Variants in MRGPRX2 observed in about 807,000 individuals in gnomAD.
MRGPRX2 encodes the protein MAS related GPR family member X2.
For synonymous variants in MRGPRX2, 183 were observed against 175.6 expected, an observed-to-expected ratio of 1.04 and a Z score of -0.33; for missense variants, 389 against 404.5, an observed-to-expected ratio of 0.96 and a Z score of 0.33.
At position 19,056,176 on chromosome 11, in the gene MRGPRX2, A is replaced by G. The variant is rs1209114493; in HGVS notation, c.227T>C (p.Phe76Ser). The change falls in exon 2 of 2, where the codon TTC (phenylalanine) becomes TCC (serine). Residue 76 changes from phenylalanine (F) to serine (S), a missense_variant. Coordinates refer to ENST00000329773, the MANE Select transcript of MRGPRX2 (RefSeq NM_054030.4). ...TATAATCTGGAAGCAGAGGAAGAGG[A>G]AGTCGGCCCCGGCCAGGCTGAGGAC... The part of the protein sequence containing the change: ...VYVLSLAGAD[F>S]LFLCFQIINC... 6.2e-7 allele frequency: 1 copy of G among 1,614,180 alleles called. No homozygotes were observed. Among genetic ancestry groups the G allele is most frequent in the Admixed American group, 1.7e-5 (1 of 60,020 alleles).
In MRGPRX2 at chr11:19,055,628, G is replaced by A. The variant is rs140862085; in HGVS notation, c.775C>T (p.His259Tyr). The A allele has an allele frequency of 4.0e-5, 65 of 1,614,168 alleles. No homozygotes were observed. In the African/African-American group the frequency reaches 5.9e-4, roughly 15 times the overall value. Residue 259 changes from histidine (H) to tyrosine (Y), a missense_variant, in exon 2 of 2, where the codon CAT becomes TAT. Transcript: ENST00000329773. ...IWKDSDVLFC[H>Y]IHPVSVVLSS... ...AGGACAACTGAAACTGGATGAATATGACAAAATAAGACATCAGAATCCTTC... is the reference window on the plus strand; with the variant it reads ...AGGACAACTGAAACTGGATGAATATAACAAAATAAGACATCAGAATCCTTC...
Position 19,056,006 on chromosome 11 carries a change from A to T in MRGPRX2, c.397T>A (p.Trp133Arg). 1 of 1,614,234 alleles carries T rather than the reference A, an allele frequency of 6.2e-7. No homozygotes were observed. The highest frequency in any genetic ancestry group is 8.5e-7 in the Non-Finnish European group (1 of 1,180,042). ...VSTERCLSVL[W>R]PIWYRCRRPR... is the part of the protein sequence containing the mutation. ...CGGCGGCAGCGATACCAGATGGGCC[A>T]CAGGACGGACAGGCAGCGCTCGGTG... is the stretch of plus-strand genomic sequence containing the variant. The change falls in exon 2 of 2, where the codon TGG (tryptophan) becomes AGG (arginine). Residue 133 changes from tryptophan (W) to arginine (R), a missense_variant. Coordinates refer to ENST00000329773, the MANE Select transcript of MRGPRX2 (RefSeq NM_054030.4).
In MRGPRX2 at chr11:19,055,678, T is replaced by C. The variant is rs1849608089; in HGVS notation, c.725A>G (p.Gln242Arg). 6.2e-7 allele frequency: 1 copy of C among 1,614,084 alleles called. No individual in the cohort carries two copies. Among genetic ancestry groups the C allele is most frequent in the Non-Finnish European group, 8.5e-7 (1 of 1,180,024 alleles). ...CCAGATCCATAATATTAGGAACCAC[T>C]GAATGCCAAAGGGCAGGCCGCAGAG... ...FLLCGLPFGI[Q>R]WFLILWIWKD... Residue 242 changes from glutamine (Q) to arginine (R), a missense_variant, in exon 2 of 2, where the codon CAG (glutamine) becomes CGG (arginine). Physicochemically the swap from Gln to Arg is conservative, Grantham distance 43 (BLOSUM62 1). Coordinates refer to ENST00000329773, the MANE Select transcript of MRGPRX2 (RefSeq NM_054030.4).
At position 19,056,362 on chromosome 11, in the gene MRGPRX2, G is replaced by A; in HGVS notation, c.41C>T (p.Thr14Ile). ...TTPAWGTEST[T>I]VNGNDQALLL... ...AAGGGCTTGGTCATTTCCATTCACT[G>A]TTGTACTTTCTGTTCCCCAGGCCGG... Residue 14 changes from threonine (T) to isoleucine (I), a missense_variant, in exon 2 of 2, where the codon ACA (threonine) becomes ATA (isoleucine). Physicochemically the swap from Thr to Ile is moderately conservative, Grantham distance 89. Transcript: ENST00000329773. 2 of 1,613,756 alleles carry A rather than the reference G, an allele frequency of 1.2e-6. No individual in the cohort carries two copies. Among genetic ancestry groups the A allele is most frequent in the South Asian group, 1.1e-5 (1 of 91,076 alleles).
chr11:19,060,426 A>C (rs1457716126), intron 1 of MRGPRX2, among the ~76,000 whole-genome samples, 193 bp downstream of exon 1: 1 of 152,188 alleles, frequency 6.6e-6, no homozygotes, highest in Non-Finnish European at 1.5e-5. Context: ...AGGGGAGAAT[A>C]TTGGTAGATA....
chr11:19,058,930 A>G (rs1017504080), intron 1 of MRGPRX2, among the ~76,000 whole-genome samples: 3 of 152,198 alleles, frequency 2.0e-5, no homozygotes, highest in Non-Finnish European at 4.4e-5. Context: ...GGTGAAAAGC[A>G]GGTCCAATAC....
In MRGPRX2 at chr11:19,054,684, T is replaced by C. The variant is rs1849595776; in HGVS notation, c.*726A>G. The C allele has an allele frequency of 6.6e-6, 1 of 152,004 alleles. No homozygotes were observed. Among genetic ancestry groups the C allele is most frequent in the Non-Finnish European group, 1.5e-5 (1 of 68,006 alleles). The allele number at this position is 152,004 out of a possible 1,614,324, so 9.4% of individuals were successfully genotyped here. A position where few individuals can be genotyped will look rare whatever the true frequency, so the allele number is the denominator to read the frequency against. On this transcript the variant is annotated 3_prime_UTR_variant, in exon 2 of 2. Coordinates refer to ENST00000329773, the MANE Select transcript of MRGPRX2 (RefSeq NM_054030.4). ...GCAAAGGGGAAGGAATGGGAAGGCG[T>C]GTAGCTGGGATTTTAAGGGATGGCA...
In MRGPRX2 at chr11:19,055,534, C is replaced by T. The variant is rs1402255296; in HGVS notation, c.869G>A (p.Arg290Gln). 1 of 1,614,022 alleles carries T rather than the reference C, an allele frequency of 6.2e-7. No homozygotes were observed. The highest frequency in any genetic ancestry group is 8.5e-7 in the Non-Finnish European group (1 of 1,180,038). ...CAGCTTGAGGATCGGCTGCTGCAGC[C>T]GCCACTGCTTCCTAAAAGAGCCCAC... The part of the protein sequence containing the change: ...FFVGSFRKQW[R>Q]LQQPILKLAL... Residue 290 changes from arginine (R) to glutamine (Q), a missense_variant, in exon 2 of 2, where the codon CGG becomes CAG. Arg to Gln is a conservative substitution (Grantham distance 43). Transcript: ENST00000329773.
rs759608441 is a variant in MRGPRX2 at position 19,056,232 on chromosome 11, G to A, written c.171C>T (p.Phe57=). ...GNGFVLWLLG[F]RMRRNAFSVY... ...CAGAGAAGGCGTTCCTGCGCATGCG[G>A]AAGCCCAGGAGCCAGAGCACAAACC... The change falls in exon 2 of 2, where the codon TTC becomes TTT. Residue 57 remains phenylalanine (F), a synonymous_variant. Transcript: ENST00000329773. The A allele has an allele frequency of 6.2e-7, 1 of 1,614,134 alleles. No individual in the cohort carries two copies. The highest frequency in any genetic ancestry group is 8.5e-7 in the Non-Finnish European group (1 of 1,179,964).
chr11:19,058,669 G>T (rs1442220718), intron 1 of MRGPRX2, among the ~76,000 whole-genome samples: 2 of 151,850 alleles, frequency 1.3e-5, no homozygotes, highest in African/African-American at 4.8e-5. Flanking sequence ...CTTGTGATCT[G>T]CCCGCCTCGG....
intron 1 of MRGPRX2, among the ~76,000 whole-genome samples, chr11:19,058,589 T>G (rs1298993941): frequency 6.6e-6 from 1 of 151,850 alleles, no homozygotes; most frequent in Non-Finnish European, 1.5e-5. Flanking sequence ...ACTGGCTAAT[T>G]TTTTGTATTT....
In MRGPRX2 at chr11:19,056,007, C is replaced by A. The variant is rs141990509; in HGVS notation, c.396G>T (p.Leu132=). The part of the protein sequence containing the change: ...TVSTERCLSV[L]WPIWYRCRRP... ...GGCGGCAGCGATACCAGATGGGCCACAGGACGGACAGGCAGCGCTCGGTGC... is the reference window on the plus strand; with the variant it reads ...GGCGGCAGCGATACCAGATGGGCCAAAGGACGGACAGGCAGCGCTCGGTGC... Residue 132 remains leucine, a synonymous_variant, in exon 2 of 2, where the codon CTG becomes CTT. Coordinates refer to ENST00000329773, the MANE Select transcript of MRGPRX2 (RefSeq NM_054030.4). The A allele has an allele frequency of 3.1e-6, 5 of 1,614,094 alleles. No individual in the cohort carries two copies. The African/African-American group carries it at 6.7e-5, about 22-fold the overall frequency.
chr11:19,059,516 CT>C (rs1419003353), intron 1 of MRGPRX2, among the ~76,000 whole-genome samples: 3 of 152,034 alleles, frequency 2.0e-5, no homozygotes, highest in African/African-American at 7.2e-5. Flanking sequence ...CTCCCAATCC[CT>C]TTTTTTCCCA....
rs1564999522 is a variant in MRGPRX2, at chr11:19,056,119, CAGA to C, written c.281_283del (p.Phe94del). On this transcript the variant is annotated inframe_deletion, in exon 2 of 2. Coordinates refer to ENST00000329773, the MANE Select transcript of MRGPRX2 (RefSeq NM_054030.4). ...GCTAGGGAAATTGATGGAGATGGAA[CAGA>C]AGAAGTTACTGAGGTACACCAGGCA... 6 of 1,614,212 alleles carry C rather than the reference CAGA, an allele frequency of 3.7e-6. No individual in the cohort carries two copies. Among genetic ancestry groups the C allele is most frequent in the Non-Finnish European group, 4.2e-6 (5 of 1,180,042 alleles).
intron 1 of MRGPRX2, among the ~76,000 whole-genome samples, chr11:19,058,961 C>T (rs1471582110): frequency 6.6e-6 from 1 of 152,092 alleles, no homozygotes; most frequent in Non-Finnish European, 1.5e-5. Context: ...CTCCTGGGGC[C>T]CTGTCCTAGG....
At position 19,055,844 on chromosome 11, in the gene MRGPRX2, T is replaced by C; in HGVS notation, c.559A>G (p.Thr187Ala). 6.2e-7 allele frequency: 1 copy of C among 1,613,882 alleles called. No individual in the cohort carries two copies. Among genetic ancestry groups the C allele is most frequent in the South Asian group, 1.1e-5 (1 of 91,036 alleles). Residue 187 changes from threonine to alanine, a missense_variant, in exon 2 of 2, where the codon ACT becomes GCT. Thr to Ala is a moderately conservative substitution (Grantham distance 58, BLOSUM62 0). Coordinates refer to ENST00000329773, the MANE Select transcript of MRGPRX2 (RefSeq NM_054030.4). The stretch of plus-strand genomic sequence containing the variant: ...AATAAAAAAATCAGCCACGCTGCAG[T>C]GATGAAATCAAATGTCTGACACCAA... ...SGWCQTFDFI[T>A]AAWLIFLFMV... is the part of the protein sequence containing the mutation.
Position 19,055,119 on chromosome 11 carries a change from G to T in MRGPRX2, c.*291C>A, listed in dbSNP as rs1022435911. On this transcript the variant is annotated 3_prime_UTR_variant, in exon 2 of 2. Transcript: ENST00000329773. ...GTCCAAAGAAATGTAGATCTTTTCTGCCCTGCTTTCAGCCTTCTGCGAAAG... is the reference window on the plus strand; with the variant it reads ...GTCCAAAGAAATGTAGATCTTTTCTTCCCTGCTTTCAGCCTTCTGCGAAAG... 3 of 302,730 alleles carry T rather than the reference G, an allele frequency of 9.9e-6. No homozygotes were observed. Among genetic ancestry groups the T allele is most frequent in the African/African-American group, 4.2e-5 (2 of 47,640 alleles). 18.8% of individuals were successfully genotyped at this position (302,730 alleles called of 1,614,324 possible).
At position 19,055,543 on chromosome 11, in the gene MRGPRX2, T is replaced by C. The variant is rs777453791; in HGVS notation, c.860A>G (p.Lys287Arg). 1.1e-5 allele frequency: 18 copies of C among 1,614,028 alleles called. No homozygotes were observed. In the African/African-American group the frequency reaches 2.4e-4, roughly 22 times the overall value. Residue 287 changes from lysine to arginine, a missense_variant, in exon 2 of 2, where the codon AAG becomes AGG. Physicochemically the swap from Lys to Arg is conservative, Grantham distance 26. Transcript: ENST00000329773. ...IIYFFVGSFR[K>R]QWRLQQPILK... ...GATCGGCTGCTGCAGCCGCCACTGC[T>C]TCCTAAAAGAGCCCACGAAGAAGTA... is the stretch of plus-strand genomic sequence containing the variant.
Position 19,055,477 on chromosome 11 carries a change from T to C in MRGPRX2, c.926A>G (p.Glu309Gly). 2 of 1,614,010 alleles carry C rather than the reference T, an allele frequency of 1.2e-6. No homozygotes were observed. The highest frequency in any genetic ancestry group is 1.7e-6 in the Non-Finnish European group (2 of 1,179,878). Reference protein sequence around the residue: ...ALQRALQDIAEVDHSEGCFRQ... With the variant: ...ALQRALQDIAGVDHSEGCFRQ... The stretch of plus-strand genomic sequence containing the variant: ...GAAGCATCCTTCACTGTGATCCACC[T>C]CAGCAATGTCCTGCAGAGCCCTCTG... Residue 309 changes from glutamate to glycine, a missense_variant, in exon 2 of 2, where the codon GAG becomes GGG. By Grantham distance (98) the Glu-to-Gly change is moderately conservative. Transcript: ENST00000329773.
Sources: allele counts gnomAD v4.1 joint callset (sites outside exome capture counted in the v4.1 genomes callset), GRCh38; gene constraint gnomAD v4.1.1; transcripts MANE v1.5; gene names NCBI Gene and HGNC (gene_info 2026-07-23, HGNC 2026-07-21).